SGCZ: variants seen among roughly 807,000 people sequenced by gnomAD.
SGCZ encodes zeta-sarcoglycan.
Under a neutral mutation model 41.3 loss-of-function variants are expected in SGCZ, and 40 were observed. The observed-to-expected ratio is 0.97, with a 90% CI of 0.75 to 1.26. The LOEUF is 1.26. SGCZ is among the 50% of genes most tolerant of loss of function. The probability of loss-of-function intolerance (pLI) is 0.00; values close to 1 mark genes in which losing one functional copy is unlikely to be tolerated. For synonymous variants in SGCZ, 206 were observed against 137.5 expected, an observed-to-expected ratio of 1.50 and a Z score of -3.49; for missense variants, 552 against 369.8, an observed-to-expected ratio of 1.49 and a Z score of -4.04.
chr8:14,847,419 C>T (rs1042863490), intron 1 of SGCZ, among the ~76,000 whole-genome samples: 6 of 151,440 alleles, frequency 4.0e-5, no homozygotes, highest in African/African-American at 1.5e-4. Context: ...AAATGGATAA[C>T]AATATATGAG....
intron 2 of SGCZ, among the ~76,000 whole-genome samples, chr8:14,461,521 C>T (rs949519163): frequency 1.3e-5 from 2 of 152,058 alleles, no homozygotes; most frequent in African/African-American, 2.4e-5. Context: ...TGCACTTTAA[C>T]AAAATCTCCA....
intron 1 of SGCZ, among the ~76,000 whole-genome samples, chr8:14,652,212 A>C (rs187019382): frequency 4.2e-4 from 63 of 151,402 alleles, no homozygotes; most frequent in African/African-American, 1.5e-3. Flanking sequence ...GTGGTGGCGA[A>C]TGCATGTAAT....
chr8:14,527,007 C>T (rs768850679), intron 2 of SGCZ, among the ~76,000 whole-genome samples: 2 of 151,984 alleles, frequency 1.3e-5, no homozygotes, highest in Non-Finnish European at 2.9e-5. Flanking sequence ...AATATTGAGT[C>T]GCTTTCTCAA....
In SGCZ at chr8:14,674,928, G is replaced by GTTTTT. The variant is rs201881681; in HGVS notation, c.40-120007_40-120003dup. On this transcript the variant is annotated intron_variant, in intron 1 of 7. Transcript: ENST00000382080. ...GCCAATTTAACCTCTTTTCTTTTCTGTTTTTTTTTTTTTTTTTTTTTTTTT... is the reference window on the plus strand; with the variant it reads ...GCCAATTTAACCTCTTTTCTTTTCTGTTTTTTTTTTTTTTTTTTTTTTTTTTTTTT... Among the ~76,000 whole-genome samples, 12 of 71,010 alleles carry GTTTTT rather than the reference G, an allele frequency of 1.7e-4. 1 individual carries two copies. In the South Asian group the frequency reaches 2.7e-3, roughly 16 times the overall value. The allele number at this position is 71,010 out of a possible 152,430, so 46.6% of individuals were successfully genotyped here. A position where few individuals can be genotyped will look rare whatever the true frequency, so the allele number is the denominator to read the frequency against.
At chr8:14,777,036 C>A (rs1032736030) in intron 1 of SGCZ, among the ~76,000 whole-genome samples, 1 of 152,194 alleles carries the variant, frequency 6.6e-6, no homozygotes, top group Non-Finnish European at 1.5e-5. Context: ...TGTATTCTAT[C>A]TGTGAGGAGG....
intron 1 of SGCZ, among the ~76,000 whole-genome samples, chr8:14,800,467 T>C (rs1224611699): frequency 6.6e-6 from 1 of 152,196 alleles, no homozygotes; most frequent in East Asian, 1.9e-4. Flanking sequence ...CTACTTGATA[T>C]GGTTTGGCTG....
At chr8:14,601,351 G>A (rs1278643312) in intron 1 of SGCZ, among the ~76,000 whole-genome samples, 4 of 151,888 alleles carry the variant, frequency 2.6e-5, no homozygotes, top group Admixed American at 2.6e-4. Context: ...TGTTCTCTAA[G>A]GTTTATATCA....
chr8:14,202,889 C>T (rs558334991), intron 4 of SGCZ, among the ~76,000 whole-genome samples: 40 of 152,160 alleles, frequency 2.6e-4, no homozygotes, highest in African/African-American at 7.0e-4. Context: ...ATTATAACTC[C>T]GACAATTCCC....
At chr8:14,845,307 G>A (rs1351179809) in intron 1 of SGCZ, among the ~76,000 whole-genome samples, 3 of 152,208 alleles carry the variant, frequency 2.0e-5, no homozygotes, top group Admixed American at 1.3e-4. Flanking sequence ...CTCCAGACAT[G>A]CCTAACAATT....
At chr8:14,474,546 G>C (rs766356945) in intron 2 of SGCZ, among the ~76,000 whole-genome samples, 5 of 152,236 alleles carry the variant, frequency 3.3e-5, no homozygotes, top group Non-Finnish European at 7.4e-5. Context: ...TTACTTTGTA[G>C]AGCGCTCCAT....
At chr8:14,150,764 A>G (rs1005530579) in intron 5 of SGCZ, among the ~76,000 whole-genome samples, 1 of 152,184 alleles carries the variant, frequency 6.6e-6, no homozygotes, top group Non-Finnish European at 1.5e-5. Context: ...CAAGATTTGG[A>G]AACAACCTAA....
intron 1 of SGCZ, among the ~76,000 whole-genome samples, chr8:14,639,420 A>G (rs1181527896): frequency 1.3e-5 from 2 of 151,718 alleles, no homozygotes; most frequent in African/African-American, 2.4e-5. Context: ...TTCTTTAACA[A>G]GAGGGATAGA....
At chr8:14,886,030 T>TATACATAC (rs1554517470) in intron 1 of SGCZ, among the ~76,000 whole-genome samples, 20 of 98,942 alleles carry the variant, frequency 2.0e-4, no homozygotes, top group Non-Finnish European at 3.1e-4. Flanking sequence ...TATATATATA[T>TATACATAC]ATATAAAATT....
At chr8:14,654,643 C>T (rs1027928315) in intron 1 of SGCZ, among the ~76,000 whole-genome samples, 3 of 152,018 alleles carry the variant, frequency 2.0e-5, no homozygotes, top group African/African-American at 7.2e-5. Context: ...GTGATCTCGG[C>T]TCACTGAAAC....
intron 1 of SGCZ, among the ~76,000 whole-genome samples, chr8:14,842,441 A>T (rs923109417): frequency 7.6e-6 from 1 of 131,032 alleles, no homozygotes; most frequent in Non-Finnish European, 1.8e-5. Context: ...AAGGGAAGGG[A>T]CAGGACAGGA....
chr8:14,676,664 AG>A (rs2117527146), intron 1 of SGCZ, among the ~76,000 whole-genome samples: 1 of 152,352 alleles, frequency 6.6e-6, no homozygotes, highest in Non-Finnish European at 1.5e-5. Flanking sequence ...AGATATGCAA[AG>A]AAGTGGAAAA....
chr8:15,210,796 A>G (rs1801211322), intron 1 of SGCZ, among the ~76,000 whole-genome samples: 1 of 151,570 alleles, frequency 6.6e-6, no homozygotes, highest in South Asian at 2.1e-4. Context: ...TAAGCCACCT[A>G]CTCTCTGAAA....
At chr8:14,405,599 A>G (rs1799191348) in intron 2 of SGCZ, among the ~76,000 whole-genome samples, 1 of 145,254 alleles carries the variant, frequency 6.9e-6, no homozygotes, top group Non-Finnish European at 1.5e-5. Context: ...TTTGCATTTC[A>G]AAAACAGATG....
chr8:14,966,270 AAAAT>A (rs1380029563), intron 1 of SGCZ, among the ~76,000 whole-genome samples: 1 of 151,920 alleles, frequency 6.6e-6, no homozygotes, highest in Non-Finnish European at 1.5e-5. Flanking sequence ...TGAGAAAGGA[AAAAT>A]AAATAATTAT....
Sources: gnomAD v4.1 joint callset for allele counts (sites outside exome capture counted in the v4.1 genomes callset) on GRCh38, gnomAD v4.1.1 for gene constraint, MANE v1.5 for transcripts, NCBI Gene and HGNC (gene_info 2026-07-23, HGNC 2026-07-21) for gene names.